Variants in MKRN1 observed in about 807,000 individuals in gnomAD.
MKRN1 encodes makorin ring finger protein 1, also known as E3 ubiquitin-protein ligase makorin-1.
In MKRN1, 9 loss-of-function variants were observed where a neutral mutation model predicts 55.5. That is an observed-to-expected ratio of 0.16 (90% CI 0.10 to 0.28). MKRN1 has a LOEUF of 0.28. Ranked by LOEUF, MKRN1 falls within the 10% of genes least tolerant of loss-of-function variation. MKRN1 has a pLI of 1.00. For missense variants in MKRN1, 488 were observed against 626.7 expected, an observed-to-expected ratio of 0.78 and a Z score of 2.36; for synonymous variants, 253 against 235.9, an observed-to-expected ratio of 1.07 and a Z score of -0.66.
intron 5 of MKRN1, chr7:140,456,374 G>A: frequency 7.7e-7 from 1 of 1,292,606 alleles, no homozygotes; most frequent in Non-Finnish European, 9.9e-7. Flanking sequence ...TTTGTTCACT[G>A]AGCCTAAACT....
intron 4 of MKRN1, 90 bp downstream of exon 4, chr7:140,458,917 A>G (rs1175690169): frequency 7.3e-7 from 1 of 1,366,182 alleles, no homozygotes; most frequent in Non-Finnish European, 1.0e-6. Flanking sequence ...CAATTCATCA[A>G]ATGTTTCTCT....
chr7:140,467,549 G>T (rs191918076), intron 2 of MKRN1, among the ~76,000 whole-genome samples: 3 of 152,170 alleles, frequency 2.0e-5, no homozygotes, highest in Admixed American at 2.0e-4. Context: ...AAAGCGCGGG[G>T]ATGACAGGTA....
At chr7:140,462,328 T>C (rs571004491) in intron 2 of MKRN1, among the ~76,000 whole-genome samples, 1 of 152,282 alleles carries the variant, frequency 6.6e-6, no homozygotes, top group East Asian at 1.9e-4. Flanking sequence ...GCACACCGAG[T>C]TTTATTCAGA....
chr7:140,455,069 T>C (rs757674986), intron 7 of MKRN1, 26 bp downstream of exon 7: 6 of 1,611,596 alleles, frequency 3.7e-6, no homozygotes, highest in Admixed American at 3.3e-5. Flanking sequence ...GAATTTCCCC[T>C]CCTTTAAAAA....
intron 6 of MKRN1, 101 bp downstream of exon 6, chr7:140,455,689 G>T: frequency 1.1e-6 from 1 of 906,872 alleles, no homozygotes; most frequent in South Asian, 1.5e-5. Flanking sequence ...TCAAAGAAGG[G>T]TAGGAAGGAG....
At chr7:140,463,992 G>A (rs996612193) in intron 2 of MKRN1, among the ~76,000 whole-genome samples, 1 of 152,044 alleles carries the variant, frequency 6.6e-6, no homozygotes, top group African/African-American at 2.4e-5. Flanking sequence ...AGAGTGCAGT[G>A]GTGCAATCTC....
chr7:140,474,721 C>CT (rs10706027), intron 1 of MKRN1, among the ~76,000 whole-genome samples: 177 of 139,036 alleles, frequency 1.3e-3, no homozygotes, highest in South Asian at 1.8e-3. Context: ...TTCCTTCTTT[C>CT]TTTTTTTTTT....
chr7:140,464,908 A>T (rs1453272199), intron 2 of MKRN1, among the ~76,000 whole-genome samples: 1 of 152,122 alleles, frequency 6.6e-6, no homozygotes, highest in East Asian at 1.9e-4. Context: ...CTCCCACCTC[A>T]GTCTCCCCAG....
chr7:140,454,299 CTT>C lies in MKRN1; in HGVS notation c.*216_*217del. 1 of 578,588 alleles carries C rather than the reference CTT, an allele frequency of 1.7e-6. No homozygotes were observed. 35.8% of individuals were successfully genotyped at this position (578,588 alleles called of 1,614,324 possible). On this transcript the variant is annotated 3_prime_UTR_variant, in exon 8 of 8. Transcript: ENST00000255977. ...TTAAATTCGTGTTACAAAAAACTAA[CTT>C]TAAGATTTATTTTTGTAACTTTTTT...
chr7:140,455,297 C>A, intron 6 of MKRN1, 64 bp from the exon 7 acceptor site: 3 of 1,596,210 alleles, frequency 1.9e-6, no homozygotes, highest in Non-Finnish European at 2.6e-6. Flanking sequence ...TGACTATCAT[C>A]CGGGGTTTCT....
At chr7:140,472,518 TAG>T (rs1189871514) in intron 1 of MKRN1, 1 of 152,778 alleles carries the variant, frequency 6.5e-6, no homozygotes, top group Non-Finnish European at 1.5e-5. Context: ...TTTTGCTTTG[TAG>T]CTGGGACTAC....
intron 2 of MKRN1, among the ~76,000 whole-genome samples, chr7:140,461,021 G>A (rs567737679): frequency 6.6e-6 from 1 of 152,352 alleles, no homozygotes; most frequent in South Asian, 2.1e-4. Flanking sequence ...AGGAGTTTCA[G>A]ATAGTTGACA....
chr7:140,478,400 A>G (rs967908716), intron 1 of MKRN1: 1 of 152,162 alleles, frequency 6.6e-6, no homozygotes, highest in Admixed American at 6.6e-5. Context: ...CCGGGAGCGA[A>G]GAGCCCTTTC....
rs999264434 is a variant in MKRN1 at position 140,454,290 on chromosome 7, A to G, written c.*227T>C. ...GTCTGACAGTTAAATTCGTGTTACA[A>G]AAAACTAACTTTAAGATTTATTTTT... On this transcript the variant is annotated 3_prime_UTR_variant, in exon 8 of 8. Coordinates refer to ENST00000255977, the MANE Select transcript of MKRN1 (RefSeq NM_013446.4). 1.9e-4 allele frequency: 107 copies of G among 565,752 alleles called. No homozygotes were observed. The highest frequency in any genetic ancestry group is 4.8e-4 in the Middle Eastern group (1 of 2,074). The allele number at this position is 565,752 out of a possible 1,614,324, so 35.0% of individuals were successfully genotyped here. A position where few individuals can be genotyped will look rare whatever the true frequency, so the allele number is the denominator to read the frequency against.
chr7:140,459,575 A>C, intron 3 of MKRN1, 132 bp downstream of exon 3: 2 of 863,102 alleles, frequency 2.3e-6, no homozygotes, highest in Non-Finnish European at 3.5e-6. Flanking sequence ...TAGGTAATCC[A>C]AATTAAAGTA....
intron 7 of MKRN1, 60 bp downstream of exon 7, chr7:140,455,035 G>A (rs1295378942): frequency 1.9e-6 from 3 of 1,596,616 alleles, no homozygotes; most frequent in African/African-American, 1.3e-5. Flanking sequence ...ACCCCAATAT[G>A]TGCAGGACTC....
intron 2 of MKRN1, among the ~76,000 whole-genome samples, chr7:140,471,128 A>T (rs1344268986): frequency 6.6e-6 from 1 of 152,132 alleles, no homozygotes; most frequent in African/African-American, 2.4e-5. Context: ...CATGCTTGTA[A>T]TCCCAACACT....
intron 5 of MKRN1, chr7:140,456,108 C>G: frequency 1.1e-6 from 1 of 936,310 alleles, no homozygotes; most frequent in Non-Finnish European, 1.4e-6. Flanking sequence ...AAGGGCTAGC[C>G]AGTTCTTTTT....
At chr7:140,454,869 T>TCC in intron 7 of MKRN1, 140 bp from the exon 8 acceptor site, 1 of 1,049,660 alleles carries the variant, frequency 9.5e-7, no homozygotes, top group African/African-American at 1.6e-5. Flanking sequence ...TACCACTTCC[T>TCC]CCCCTCTGGT....
Sources: allele counts gnomAD v4.1 joint callset (sites outside exome capture counted in the v4.1 genomes callset), GRCh38; gene constraint gnomAD v4.1.1; transcripts MANE v1.5; gene names NCBI Gene and HGNC (gene_info 2026-07-23, HGNC 2026-07-21).